Variants in SAXO1 observed in about 807,000 individuals in gnomAD.
SAXO1 encodes the protein stabilizer of axonemal microtubules 1.
In SAXO1, 21 loss-of-function variants were observed where a neutral mutation model predicts 17.5. The observed-to-expected ratio is 1.20, with a 90% CI of 0.85 to 1.72. SAXO1 has a LOEUF of 1.72. Ranked by LOEUF, SAXO1 falls within the 40% of genes most tolerant of loss-of-function variation. The pLI is 0.00. For synonymous variants in SAXO1, 274 were observed against 216.5 expected (o/e 1.27, Z -2.33); for missense variants, 843 against 596.0 (o/e 1.41, Z -4.32).
chr9:19,005,710 G>T (rs893984941), intron 1 of SAXO1, among the ~76,000 whole-genome samples: 1 of 152,136 alleles, frequency 6.6e-6, no homozygotes, highest in African/African-American at 2.4e-5. Flanking sequence ...TCATGACATT[G>T]GATTTGGCAA....
intron 1 of SAXO1, among the ~76,000 whole-genome samples, chr9:19,006,762 G>A (rs1834497146): frequency 6.6e-6 from 1 of 152,274 alleles, no homozygotes; most frequent in Non-Finnish European, 1.5e-5. Context: ...TGGTTAAAAT[G>A]AGGCCAGGTG....
intron 1 of SAXO1, among the ~76,000 whole-genome samples, chr9:18,971,132 G>C (rs912950616): frequency 4.6e-5 from 7 of 152,188 alleles, no homozygotes; most frequent in Admixed American, 2.0e-4. Context: ...CAAAGGGAGT[G>C]ATTTTGCCCC....
intron 1 of SAXO1, among the ~76,000 whole-genome samples, chr9:18,987,671 G>C (rs1187226666): frequency 6.6e-6 from 1 of 152,108 alleles, no homozygotes; most frequent in Admixed American, 6.5e-5. Context: ...GGCTGATGCA[G>C]GAGGATTGCT....
At chr9:18,939,073 T>G (rs1463302795) in intron 3 of SAXO1, among the ~76,000 whole-genome samples, 1 of 151,838 alleles carries the variant, frequency 6.6e-6, no homozygotes, top group African/African-American at 2.4e-5. Context: ...ATACTAAGAT[T>G]CATAAACCAA....
chr9:18,954,116 A>G (rs1206097106), intron 1 of SAXO1, among the ~76,000 whole-genome samples: 1 of 152,118 alleles, frequency 6.6e-6, no homozygotes, highest in Non-Finnish European at 1.5e-5. Flanking sequence ...AGGAAAAGGG[A>G]GAGAGGAGGT....
chr9:19,035,418 C>G (rs1471763195), upstream of SAXO1, among the ~76,000 whole-genome samples: 1 of 152,184 alleles, frequency 6.6e-6, no homozygotes, highest in Non-Finnish European at 1.5e-5. Flanking sequence ...AACTGTAAGT[C>G]CAATTAAACT....
chr9:19,027,956 C>CTT, intron 1 of SAXO1: 1 of 1,475,876 alleles, frequency 6.8e-7, no homozygotes, highest in South Asian at 1.2e-5. Context: ...ACGTGAACTG[C>CTT]GAGGGAGCTG....
intron 1 of SAXO1, among the ~76,000 whole-genome samples, chr9:19,043,637 C>G (rs1230516390): frequency 6.6e-6 from 1 of 151,774 alleles, no homozygotes; most frequent in Non-Finnish European, 1.5e-5. Flanking sequence ...CATGGTAGTG[C>G]GTAACTGTAG....
chr9:18,988,644 T>C (rs1044948560), intron 1 of SAXO1, among the ~76,000 whole-genome samples: 15 of 152,342 alleles, frequency 9.8e-5, no homozygotes, highest in Admixed American at 9.8e-4. Context: ...GGATAATCAA[T>C]GTATGCACTA....
At chr9:18,945,181 A>G (rs115613325) in intron 2 of SAXO1, among the ~76,000 whole-genome samples, 240 of 152,280 alleles carry the variant, frequency 1.6e-3, no homozygotes, top group African/African-American at 5.4e-3. Context: ...GTTGTCTACA[A>G]GTACAGACTT....
At position 18,973,435 on chromosome 9, in the gene SAXO1, T is replaced by C. The variant is rs868700519; in HGVS notation, c.39-22498A>G. ...TGCCAAGTGAAATTTCAGAAACACA[T>C]AGGTAGATAGGAATGATTTTCTCTA... On this transcript the variant is annotated intron_variant, in intron 1 of 3. Coordinates refer to ENST00000380534, the MANE Select transcript of SAXO1 (RefSeq NM_153707.4). Among the ~76,000 whole-genome samples the C allele has an allele frequency of 8.5e-5, 13 of 152,302 alleles. No individual in the cohort carries two copies. The South Asian group carries it at 1.7e-3, about 19-fold the overall frequency.
At chr9:18,983,030 T>C (rs1223239968) in intron 1 of SAXO1, among the ~76,000 whole-genome samples, 4 of 151,668 alleles carry the variant, frequency 2.6e-5, no homozygotes, top group African/African-American at 9.7e-5. Flanking sequence ...TTGGGCTAAG[T>C]AGAGTTAGCC....
intron 1 of SAXO1, among the ~76,000 whole-genome samples, chr9:18,980,489 G>A (rs1025439762): frequency 7.6e-6 from 1 of 131,238 alleles, no homozygotes; most frequent in Non-Finnish European, 1.6e-5. Context: ...TTGCCAAAAG[G>A]AGAATGTTTT....
chr9:19,002,641 A>C (rs1834324001), intron 1 of SAXO1, among the ~76,000 whole-genome samples: 1 of 152,202 alleles, frequency 6.6e-6, no homozygotes, highest in African/African-American at 2.4e-5. Context: ...AAAGACAAAA[A>C]CCACATGATT....
intron 1 of SAXO1, among the ~76,000 whole-genome samples, chr9:19,029,993 T>C (rs1327209207): frequency 6.6e-6 from 1 of 152,174 alleles, no homozygotes; most frequent in African/African-American, 2.4e-5. Context: ...ATATCTGTTT[T>C]CCCAGCGTAC....
chr9:18,983,912 C>A (rs1833493361), intron 1 of SAXO1, among the ~76,000 whole-genome samples: 1 of 152,164 alleles, frequency 6.6e-6, no homozygotes, highest in African/African-American at 2.4e-5. Context: ...AGGAGTTAAC[C>A]ACATTCTATG....
chr9:18,942,638 A>G (rs980961721), intron 2 of SAXO1, among the ~76,000 whole-genome samples: 1 of 152,176 alleles, frequency 6.6e-6, no homozygotes, highest in African/African-American at 2.4e-5. Context: ...TGTTTCAGGG[A>G]GTACCAAAAC....
chr9:18,928,386 G>A lies in SAXO1; in HGVS notation c.1091C>T (p.Pro364Leu), dbSNP rs143117791. The change falls in exon 4 of 4, where the codon CCC (proline) becomes CTC (leucine). Residue 364 changes from proline (P) to leucine (L), a missense_variant. Transcript: ENST00000380534. ...PVKPVPQLDL[P>L]TEPLDCLTTT... ...GGTCAGGCAGTCCAGGGGCTCGGTG[G>A]GCAAGTCCAGCTGGGGAACGGGCTT... The A allele has an allele frequency of 1.2e-5, 19 of 1,611,834 alleles. No individual in the cohort carries two copies. In the Admixed American group the frequency reaches 1.7e-4, roughly 14 times the overall value.
At chr9:18,952,681 T>C (rs1249061680) in intron 1 of SAXO1, among the ~76,000 whole-genome samples, 2 of 152,226 alleles carry the variant, frequency 1.3e-5, no homozygotes, top group African/African-American at 2.4e-5. Flanking sequence ...AAAGCAGTAT[T>C]GATTCATGGT....
Sources: gnomAD v4.1 joint callset for allele counts (sites outside exome capture counted in the v4.1 genomes callset) on GRCh38, gnomAD v4.1.1 for gene constraint, MANE v1.5 for transcripts, NCBI Gene and HGNC (gene_info 2026-07-23, HGNC 2026-07-21) for gene names.